The following ZNF462 variants were observed in gnomAD, a reference collection of about 807,000 sequenced individuals.
The protein encoded by ZNF462 is zinc finger protein 462, also known as zinc finger PBX1-interacting protein.
ZNF462 carries 10 observed loss-of-function variants against 201.9 expected under a neutral mutation model. The observed-to-expected ratio is 0.05, with a 90% CI of 0.03 to 0.08. The LOEUF (loss-of-function observed/expected upper bound fraction) is 0.08, where lower values mean the gene tolerates loss of function less well. ZNF462 is among the 10% of genes least tolerant of loss of function. The pLI is 1.00. For synonymous variants in ZNF462, 1,227 were observed against 1,193.3 expected (o/e 1.03, Z -0.58); for missense variants, 2,523 against 3,168.3 (o/e 0.80, Z 4.89).
rs187297188 is a variant in ZNF462, at chr9:106,923,087, C to T, written c.-30-267C>T. Among the ~76,000 whole-genome samples the T allele has an allele frequency of 2.0e-5, 3 of 152,294 alleles. No individual in the cohort carries two copies. The highest frequency in any genetic ancestry group is 3.9e-4 in the East Asian group (2 of 5,182). ...CTTCTAAAACTTTTGAAGTATTAAG[C>T]GTTTCCTTGACAAATGGCATTGGAA... is the stretch of plus-strand genomic sequence containing the variant. On this transcript the variant is annotated intron_variant, in intron 1 of 12. Transcript: ENST00000277225. This position sits in a 1 kb window ranked among gnomAD's most constrained non-coding sequence, Gnocchi z 5.6.
intron 7 of ZNF462, among the ~76,000 whole-genome samples, chr9:106,944,381 G>A (rs1335791437): frequency 6.6e-6 from 1 of 152,090 alleles, no homozygotes; most frequent in Non-Finnish European, 1.5e-5. Flanking sequence ...GACTCATTTG[G>A]TGAGACTCAG....
rs1253559951 is a variant in ZNF462, at chr9:106,865,460, T to A, written c.-31+2105T>A. Among the ~76,000 whole-genome samples, 1 of 152,236 alleles carries A rather than the reference T, an allele frequency of 6.6e-6. No homozygotes were observed. Among genetic ancestry groups the A allele is most frequent in the African/African-American group, 2.4e-5 (1 of 41,460 alleles). Reference sequence around the variant, plus strand: ...CAAGACTTTATTGTCTGATTTGAGTTGATTTCTGCAAATATAAAAAATAAT... The same window carrying A: ...CAAGACTTTATTGTCTGATTTGAGTAGATTTCTGCAAATATAAAAAATAAT... On this transcript the variant is annotated intron_variant, in intron 1 of 12. Transcript: ENST00000277225. The surrounding 1 kb of genome is among the most constrained non-coding windows in gnomAD (Gnocchi z 4.1).
rs190995932 is a variant in ZNF462, at chr9:106,914,157, T to C, written c.-30-9197T>C. 3.5e-4 allele frequency among the ~76,000 whole-genome samples: 52 copies of C among 150,304 alleles called. 1 individual carries two copies. The highest frequency in any genetic ancestry group is 3.0e-3 in the Admixed American group (45 of 14,996). ...TTTAGAACCACACAATTCTAAAATCTTGGACCTGGGCTCTCCCAGGTTGTT... is the reference window on the plus strand; with the variant it reads ...TTTAGAACCACACAATTCTAAAATCCTGGACCTGGGCTCTCCCAGGTTGTT... On this transcript the variant is annotated intron_variant, in intron 1 of 12. Transcript: ENST00000277225.
intron 1 of ZNF462, among the ~76,000 whole-genome samples, chr9:106,898,767 T>G (rs2131148953): frequency 6.6e-6 from 1 of 152,088 alleles, no homozygotes; most frequent in South Asian, 2.1e-4. Flanking sequence ...GAAACAATGG[T>G]TTTGTATGGT....
At position 107,011,106 on chromosome 9, in the gene ZNF462, G is replaced by C; in HGVS notation, c.*76G>C. The C allele has an allele frequency of 1.4e-6, 2 of 1,452,640 alleles. No individual in the cohort carries two copies. Among genetic ancestry groups the C allele is most frequent in the Non-Finnish European group, 1.9e-6 (2 of 1,055,692 alleles). 90.0% of individuals were successfully genotyped at this position (1,452,640 alleles called of 1,614,324 possible). A position where few individuals can be genotyped will look rare whatever the true frequency, so the allele number is the denominator to read the frequency against. ...TGGGAGGGCTGGCTTGGGCTGAGAA[G>C]GGAGGGACAGAAAAGAGAAGACAGA... is the stretch of plus-strand genomic sequence containing the variant. On this transcript the variant is annotated 3_prime_UTR_variant, in exon 13 of 13. Transcript: ENST00000277225. The surrounding 1 kb of genome is among the most constrained non-coding windows in gnomAD (Gnocchi z 5.6).
rs7033075 is a variant in ZNF462 at position 106,886,003 on chromosome 9, C to T, written c.-31+22648C>T. On this transcript the variant is annotated intron_variant, in intron 1 of 12. Coordinates refer to ENST00000277225, the MANE Select transcript of ZNF462 (RefSeq NM_021224.6). This position sits in a 1 kb window ranked among gnomAD's most constrained non-coding sequence, Gnocchi z 4.6. The stretch of plus-strand genomic sequence containing the variant: ...TTTTGTTTTCCCCAGGAAAAGGTAA[C>T]GTATGCTCAAGGTAGCCTTAAAAAA... Among the ~76,000 whole-genome samples, 668 of 152,212 alleles carry T rather than the reference C, an allele frequency of 4.4e-3. 6 individuals are homozygous for T. The highest frequency in any genetic ancestry group is 0.015 in the African/African-American group (633 of 41,508).
intron 7 of ZNF462, among the ~76,000 whole-genome samples, chr9:106,943,470 C>G (rs1261364377): frequency 6.6e-6 from 1 of 152,170 alleles, no homozygotes; most frequent in Non-Finnish European, 1.5e-5. Context: ...ACTGACATTC[C>G]TACCATCTCT....
chr9:106,935,363 G>T lies in ZNF462; in HGVS notation c.6117-140G>T, dbSNP rs1299250696. 7 of 630,434 alleles carry T rather than the reference G, an allele frequency of 1.1e-5. No homozygotes were observed. Among genetic ancestry groups the T allele is most frequent in the Admixed American group, 2.8e-5 (1 of 35,418 alleles). 39.1% of individuals were successfully genotyped at this position (630,434 alleles called of 1,614,324 possible). A position where few individuals can be genotyped will look rare whatever the true frequency, so the allele number is the denominator to read the frequency against. On this transcript the variant is annotated intron_variant, in intron 5 of 12. Coordinates refer to ENST00000277225, the MANE Select transcript of ZNF462 (RefSeq NM_021224.6). This position sits in a 1 kb window ranked among gnomAD's most constrained non-coding sequence, Gnocchi z 4.1. Reference sequence around the variant, plus strand: ...CTCTTGAAAATTAATTAATTAAATTGATAAATGCCATTATTGGAAAGTAAA... The same window carrying T: ...CTCTTGAAAATTAATTAATTAAATTTATAAATGCCATTATTGGAAAGTAAA...
chr9:106,898,586 G>T (rs1451912059), intron 1 of ZNF462, among the ~76,000 whole-genome samples: 1 of 152,122 alleles, frequency 6.6e-6, no homozygotes, highest in Non-Finnish European at 1.5e-5. Context: ...TAATTATCAG[G>T]CTTCAAATGG....
chr9:106,948,791 C>T (rs572896439), intron 7 of ZNF462, among the ~76,000 whole-genome samples: 1 of 151,668 alleles, frequency 6.6e-6, no homozygotes, highest in East Asian at 1.9e-4. Context: ...ATTCATATCG[C>T]AAAAATAATT....
intron 7 of ZNF462, among the ~76,000 whole-genome samples, chr9:106,958,889 A>G (rs1831702216): frequency 1.3e-5 from 2 of 152,102 alleles, no homozygotes; most frequent in Non-Finnish European, 2.9e-5. Flanking sequence ...GACAGGAATG[A>G]TTGAGGCCAA....
chr9:106,909,774 T>C (rs571621501), intron 1 of ZNF462, among the ~76,000 whole-genome samples: 2 of 152,334 alleles, frequency 1.3e-5, no homozygotes, highest in East Asian at 3.9e-4. Flanking sequence ...TCTTGATGTA[T>C]ATAGGATTCA....
chr9:106,968,873 C>G lies in ZNF462; in HGVS notation c.6428-3132C>G, dbSNP rs1182913891. Among the ~76,000 whole-genome samples, 1 of 152,182 alleles carries G rather than the reference C, an allele frequency of 6.6e-6. No individual in the cohort carries two copies. The highest frequency in any genetic ancestry group is 6.5e-5 in the Admixed American group (1 of 15,268). On this transcript the variant is annotated intron_variant, in intron 7 of 12. Coordinates refer to ENST00000277225, the MANE Select transcript of ZNF462 (RefSeq NM_021224.6). This position sits in a 1 kb window ranked among gnomAD's most constrained non-coding sequence, Gnocchi z 4.0. ...AACTTATGTGACATGCCCTTCGCAGCTAACAATCTGTTTGCCTTTCTAACC... is the reference window on the plus strand; with the variant it reads ...AACTTATGTGACATGCCCTTCGCAGGTAACAATCTGTTTGCCTTTCTAACC...
rs548799967 is a variant in ZNF462, at chr9:106,889,049, T to C, written c.-31+25694T>C. On this transcript the variant is annotated intron_variant, in intron 1 of 12. Coordinates refer to ENST00000277225, the MANE Select transcript of ZNF462 (RefSeq NM_021224.6). The stretch of plus-strand genomic sequence containing the variant: ...TCTTTCTAGCTTAAAATATTCTGGA[T>C]ATGCTTTAACTTGCCTTGGGGTCAT... 4.3e-4 allele frequency among the ~76,000 whole-genome samples: 66 copies of C among 152,370 alleles called. 1 individual carries two copies. Among genetic ancestry groups the C allele is most frequent in the Admixed American group, 4.3e-3 (66 of 15,308 alleles).
At chr9:106,961,831 T>G (rs1204591430) in intron 7 of ZNF462, among the ~76,000 whole-genome samples, 1 of 152,032 alleles carries the variant, frequency 6.6e-6, no homozygotes, top group African/African-American at 2.4e-5. Context: ...TGATGGCAGA[T>G]TTGGACTGAG....
rs1826839179 is a variant in ZNF462 at position 106,974,372 on chromosome 9, C to T, written c.6832+99C>T. On this transcript the variant is annotated intron_variant, in intron 9 of 12. Transcript: ENST00000277225. The surrounding 1 kb of genome is among the most constrained non-coding windows in gnomAD (Gnocchi z 4.0). ...CTCAGAGTGGCAGTAGCACCTGTGC[C>T]TTGTTCCTCACCTTATCTTCAGGCA... The T allele has an allele frequency of 6.4e-7, 1 of 1,560,084 alleles. No individual in the cohort carries two copies. Among genetic ancestry groups the T allele is most frequent in the Admixed American group, 1.7e-5 (1 of 59,896 alleles).
chr9:106,863,798 G>A (rs1266142919), intron 1 of ZNF462, among the ~76,000 whole-genome samples: 1 of 151,782 alleles, frequency 6.6e-6, no homozygotes, highest in Non-Finnish European at 1.5e-5. Flanking sequence ...TGCTCCGAGT[G>A]TGGGGACAGG....
rs1385208758 is a variant in ZNF462, at chr9:106,936,412, C to T, written c.6235+791C>T. 3.3e-5 allele frequency among the ~76,000 whole-genome samples: 5 copies of T among 152,268 alleles called. No homozygotes were observed. The East Asian group carries it at 5.8e-4, about 18-fold the overall frequency. ...TGTAAGAACTGCTCAGAACCTGGGT[C>T]CTTCACTTTCGCCAGCTCCTCATGC... On this transcript the variant is annotated intron_variant, in intron 6 of 12. Coordinates refer to ENST00000277225, the MANE Select transcript of ZNF462 (RefSeq NM_021224.6).
chr9:106,945,929 G>A (rs1233573879), intron 7 of ZNF462, among the ~76,000 whole-genome samples: 3 of 152,184 alleles, frequency 2.0e-5, no homozygotes, highest in African/African-American at 7.2e-5. Context: ...AAGGTCACGT[G>A]ATACACGCTT....
Sources: allele counts gnomAD v4.1 joint callset (sites outside exome capture counted in the v4.1 genomes callset), GRCh38; gene constraint gnomAD v4.1.1; non-coding constraint Gnocchi (gnomAD v3.1); transcripts MANE v1.5; gene names NCBI Gene and HGNC (gene_info 2026-07-23, HGNC 2026-07-21).